Variants in DHCR24 observed in about 807,000 individuals in gnomAD.
DHCR24 encodes delta(24)-sterol reductase.
In DHCR24, 28 loss-of-function variants were observed where a neutral mutation model predicts 61.2. The ratio of observed to expected loss-of-function variants is 0.46; its 90% CI spans 0.34 to 0.63. The LOEUF (loss-of-function observed/expected upper bound fraction) is 0.63. Ranked by LOEUF, DHCR24 falls within the 20% of genes least tolerant of loss-of-function variation. DHCR24 has a pLI of 0.01. For synonymous variants in DHCR24, 261 were observed against 275.9 expected, an observed-to-expected ratio of 0.95 and a Z score of 0.54; for missense variants, 538 against 679.1, an observed-to-expected ratio of 0.79 and a Z score of 2.31.
intron 5 of DHCR24, among the ~76,000 whole-genome samples, chr1:54,866,785 G>A (rs1335491138): frequency 6.6e-6 from 1 of 152,246 alleles, no homozygotes; most frequent in Non-Finnish European, 1.5e-5. Flanking sequence ...CTGCTGGTGA[G>A]GCCACTCTGC....
chr1:54,880,824 A>T (rs1336271426), intron 2 of DHCR24, among the ~76,000 whole-genome samples: 2 of 151,578 alleles, frequency 1.3e-5, no homozygotes, highest in Non-Finnish European at 2.9e-5. Flanking sequence ...CAATGCATAA[A>T]AGAAGAAATT....
At chr1:54,853,982 C>A (rs1646892627) in intron 7 of DHCR24, 55 bp downstream of exon 7, 2 of 1,536,260 alleles carry the variant, frequency 1.3e-6, no homozygotes, top group Admixed American at 1.9e-5. Context: ...GGGGAGGAGA[C>A]CATGGATTCC....
intron 1 of DHCR24, 79 bp downstream of exon 1, chr1:54,886,810 C>G (rs879011604): frequency 6.4e-7 from 1 of 1,562,932 alleles, no homozygotes; most frequent in African/African-American, 1.3e-5. Flanking sequence ...ACCGCAGCTC[C>G]CGTCGCCACC....
intron 1 of DHCR24, among the ~76,000 whole-genome samples, chr1:54,885,021 A>G (rs1288853844): frequency 1.3e-5 from 2 of 152,206 alleles, no homozygotes; most frequent in East Asian, 1.9e-4. Flanking sequence ...ACCTGAGCCA[A>G]TAAAATCCCT....
intron 6 of DHCR24, among the ~76,000 whole-genome samples, chr1:54,857,209 A>C (rs374407894): frequency 2.0e-3 from 308 of 152,336 alleles, no homozygotes; most frequent in African/African-American, 6.9e-3. Context: ...TCAGGGTCCT[A>C]AGCTGCCCCC....
intron 6 of DHCR24, among the ~76,000 whole-genome samples, chr1:54,858,054 G>T (rs1368203775): frequency 6.6e-6 from 1 of 152,216 alleles, no homozygotes; most frequent in Non-Finnish European, 1.5e-5. Flanking sequence ...CAGAGGGGGG[G>T]AAAAGGCATG....
At chr1:54,856,627 C>T (rs563014839) in intron 6 of DHCR24, among the ~76,000 whole-genome samples, 7 of 152,230 alleles carry the variant, frequency 4.6e-5, no homozygotes, top group Non-Finnish European at 7.4e-5. Flanking sequence ...GGTTATTGAC[C>T]CCTGCTCGAT....
At position 54,852,371 on chromosome 1, in the gene DHCR24, A is replaced by G. The variant is rs753463675; in HGVS notation, c.1413T>C (p.Tyr471=). Residue 471 remains tyrosine (Y), a synonymous_variant, in exon 9 of 9, where the codon TAT becomes TAC. Transcript: ENST00000371269. Reference sequence around the variant, plus strand: ...CCTCCCGGTTCATGTAGCAGTCGGCATACAGCATCTGGAAGCTGCAGAGGC... The same window carrying G: ...CCTCCCGGTTCATGTAGCAGTCGGCGTACAGCATCTGGAAGCTGCAGAGGC... ...VRSVHGFQML[Y]ADCYMNREEF... is the part of the protein sequence containing the mutation. 1.2e-5 allele frequency: 19 copies of G among 1,614,012 alleles called. No homozygotes were observed. The highest frequency in any genetic ancestry group is 5.0e-5 in the Admixed American group (3 of 60,006).
rs759066105 is a variant in DHCR24, at chr1:54,887,083, G to A, written c.37C>T (p.Leu13Phe). 8 of 1,606,172 alleles carry A rather than the reference G, an allele frequency of 5.0e-6. No individual in the cohort carries two copies. The South Asian group carries it at 7.8e-5, about 16-fold the overall frequency. The change falls in exon 1 of 9, where the codon CTC becomes TTC. Residue 13 changes from leucine to phenylalanine, a missense_variant. Leu to Phe is a conservative substitution (Grantham distance 22). Transcript: ENST00000371269. ...PAVSLAVCAL[L>F]FLLWVRLKGL... ...TTCAGGCGCACCCACAGCAGGAAGA[G>A]CAGCGCGCACACGGCCAGCGACACG...
At chr1:54,886,779 G>A (rs1365788799) in intron 1 of DHCR24, 110 bp downstream of exon 1, 3 of 1,193,818 alleles carry the variant, frequency 2.5e-6, no homozygotes, top group Non-Finnish European at 3.2e-6. Context: ...CACCCCCCCA[G>A]GAAGTCCTGG....
intron 5 of DHCR24, among the ~76,000 whole-genome samples, chr1:54,868,209 G>A (rs1272566246): frequency 1.3e-5 from 2 of 152,180 alleles, no homozygotes; most frequent in Non-Finnish European, 2.9e-5. Flanking sequence ...AGTGGCTCAC[G>A]CCCGTAATCC....
Position 54,850,131 on chromosome 1 carries a change from A to C in DHCR24, c.*2102T>G, listed in dbSNP as rs910285657. The C allele has an allele frequency of 1.3e-5, 2 of 152,166 alleles. No individual in the cohort carries two copies. Among genetic ancestry groups the C allele is most frequent in the Admixed American group, 1.3e-4 (2 of 15,280 alleles). 9.4% of individuals were successfully genotyped at this position (152,166 alleles called of 1,614,324 possible). A position where few individuals can be genotyped will look rare whatever the true frequency, so the allele number is the denominator to read the frequency against. On this transcript the variant is annotated 3_prime_UTR_variant, in exon 9 of 9. Transcript: ENST00000371269. ...ACATAACCGGAGGGTGTGATTCCAAAATACCTTCCTTTCCAAGCCCCGGGT... is the reference window on the plus strand; with the variant it reads ...ACATAACCGGAGGGTGTGATTCCAACATACCTTCCTTTCCAAGCCCCGGGT...
intron 1 of DHCR24, 142 bp downstream of exon 1, chr1:54,886,747 C>A (rs1464739881): frequency 2.2e-6 from 3 of 1,379,686 alleles, no homozygotes; most frequent in South Asian, 2.5e-5. Flanking sequence ...TTCGTTCCAA[C>A]CCCTCTCCAA....
At chr1:54,855,219 C>G (rs919180662) in intron 6 of DHCR24, among the ~76,000 whole-genome samples, 33 of 152,164 alleles carry the variant, frequency 2.2e-4, no homozygotes, top group African/African-American at 7.7e-4. Context: ...ACGGTGAAAC[C>G]CCGTTTCTAC....
rs865957743 is a variant in DHCR24, at chr1:54,853,522, T to C, written c.1309A>G (p.Ile437Val). ...KGNEAELYID[I>V]GAYGEPRVKH... The stretch of plus-strand genomic sequence containing the variant: ...ACACGCGGCTCCCCATATGCTCCAA[T>C]GTCGATGTAGAGCTCTGCCTCATTT... The change falls in exon 8 of 9, where the codon ATT becomes GTT. Residue 437 changes from isoleucine (I) to valine (V), a missense_variant. Coordinates refer to ENST00000371269, the MANE Select transcript of DHCR24 (RefSeq NM_014762.4). 3.1e-6 allele frequency: 5 copies of C among 1,614,162 alleles called. No individual in the cohort carries two copies. Among genetic ancestry groups the C allele is most frequent in the Non-Finnish European group, 4.2e-6 (5 of 1,180,014 alleles).
intron 8 of DHCR24, among the ~76,000 whole-genome samples, chr1:54,853,144 G>A (rs1213500700): frequency 6.6e-6 from 1 of 151,820 alleles, no homozygotes; most frequent in African/African-American, 2.4e-5. Context: ...GTTCCGTGGG[G>A]AGGAGTGGGG....
chr1:54,865,164 G>T, intron 6 of DHCR24, 139 bp downstream of exon 6: 1 of 1,042,282 alleles, frequency 9.6e-7, no homozygotes. Context: ...CTGTGTTGCT[G>T]CTTAAGAAGG....
At chr1:54,874,953 A>G (rs1647018561) in intron 4 of DHCR24, 140 bp downstream of exon 4, 1 of 774,216 alleles carries the variant, frequency 1.3e-6, no homozygotes. Context: ...AAGGGGCTAC[A>G]CAAATTTTTG....
chr1:54,857,832 C>T (rs556031776), intron 6 of DHCR24, among the ~76,000 whole-genome samples: 5 of 152,180 alleles, frequency 3.3e-5, no homozygotes, highest in African/African-American at 7.2e-5. Context: ...CCTGACCCCG[C>T]GTGTTGCTGA....
Sources: gnomAD v4.1 joint callset for allele counts (sites outside exome capture counted in the v4.1 genomes callset) on GRCh38, gnomAD v4.1.1 for gene constraint, MANE v1.5 for transcripts, NCBI Gene and HGNC (gene_info 2026-07-23, HGNC 2026-07-21) for gene names.